The following TRHDE variants were observed in gnomAD, a reference collection of about 807,000 sequenced individuals.
TRHDE encodes the protein thyrotropin-releasing hormone-degrading ectoenzyme.
Under a neutral mutation model 125.7 loss-of-function variants are expected in TRHDE, and 72 were observed. The ratio of observed to expected loss-of-function variants is 0.57; its 90% CI spans 0.47 to 0.70. The LOEUF (loss-of-function observed/expected upper bound fraction) is 0.70. Ranked by LOEUF, TRHDE falls within the 30% of genes least tolerant of loss-of-function variation. The pLI, the probability that TRHDE is intolerant of heterozygous loss-of-function variation, is 0.00. For synonymous variants in TRHDE, 509 were observed against 509.1 expected, an observed-to-expected ratio of 1.00 and a Z score of 0.00; for missense variants, 1,110 against 1,327.1, an observed-to-expected ratio of 0.84 and a Z score of 2.54.
At chr12:72,223,948 C>G (rs1291022769) in intron 2 of TRHDE, among the ~76,000 whole-genome samples, 2 of 151,656 alleles carry the variant, frequency 1.3e-5, no homozygotes, top group Admixed American at 1.3e-4. Flanking sequence ...CTGGGCTACT[C>G]TATCCCTTGG....
rs185375693 is a variant in TRHDE, at chr12:72,407,569, A to G, written c.1315+29448A>G. ...GGAATAAAACAACTAAAAGTGCTGC[A>G]TACAATAGAAAATAAATGTGTTTTT... On this transcript the variant is annotated intron_variant, in intron 3 of 18. Transcript: ENST00000261180. Among the ~76,000 whole-genome samples, 31 of 152,356 alleles carry G rather than the reference A, an allele frequency of 2.0e-4. No individual in the cohort carries two copies. In the East Asian group the frequency reaches 5.8e-3, roughly 28 times the overall value.
rs141440198 is a variant in TRHDE, at chr12:72,374,256, A to G, written c.1189-3739A>G. On this transcript the variant is annotated intron_variant, in intron 2 of 18. Coordinates refer to ENST00000261180, the MANE Select transcript of TRHDE (RefSeq NM_013381.3). ...GACAGCTGGATAGAAGGAAAGAATT[A>G]CCATTAACTGAGGTGGGAAAGATTT... 3.0e-4 allele frequency among the ~76,000 whole-genome samples: 46 copies of G among 151,284 alleles called. No homozygotes were observed. The East Asian group carries it at 8.2e-3, about 27-fold the overall frequency.
intron 9 of TRHDE, among the ~76,000 whole-genome samples, 176 bp from the exon 10 acceptor site, chr12:72,568,392 T>C (rs532934487): frequency 4.1e-4 from 63 of 152,294 alleles, no homozygotes; most frequent in Non-Finnish European, 7.4e-4. Context: ...CTTAATGGCA[T>C]TGAAAGAGTG....
chr12:72,235,918 T>C (rs1472107715), intron 2 of TRHDE, among the ~76,000 whole-genome samples: 1 of 152,130 alleles, frequency 6.6e-6, no homozygotes, highest in African/African-American at 2.4e-5. Flanking sequence ...GGAGTACAAA[T>C]GGGAAGTTTT....
intron 3 of TRHDE, among the ~76,000 whole-genome samples, chr12:72,423,658 G>A (rs752345709): frequency 6.6e-6 from 1 of 152,102 alleles, no homozygotes; most frequent in Non-Finnish European, 1.5e-5. Context: ...ATATTAAATG[G>A]CAAAGGGAGT....
intron 7 of TRHDE, among the ~76,000 whole-genome samples, chr12:72,548,269 ATCTCCCTGAAATATTCCCT>A (rs966135043): frequency 2.8e-4 from 42 of 151,686 alleles, no homozygotes; most frequent in African/African-American, 1.0e-3. Flanking sequence ...GATTTCACAT[ATCTCCCTGAAATATTCCCT>A]TCTCCTATAA....
At chr12:72,533,849 A>G (rs1592518647) in intron 6 of TRHDE, among the ~76,000 whole-genome samples, 1 of 151,428 alleles carries the variant, frequency 6.6e-6, no homozygotes, top group Non-Finnish European at 1.5e-5. Context: ...TACACTGTTG[A>G]AAGTTTTTGT....
intron 2 of TRHDE, among the ~76,000 whole-genome samples, chr12:72,124,991 G>C (rs182749777): frequency 8.5e-5 from 13 of 152,096 alleles, no homozygotes; most frequent in African/African-American, 2.9e-4. Flanking sequence ...TAAATGTTGA[G>C]TCATTATTGT....
intron 2 of TRHDE, among the ~76,000 whole-genome samples, chr12:72,152,047 T>G (rs1357107344): frequency 4.6e-5 from 7 of 151,940 alleles, no homozygotes; most frequent in South Asian, 4.1e-4. Flanking sequence ...GTTCTTCCAT[T>G]TGTTTGTATC....
chr12:72,571,278 A>G (rs1325263224), intron 10 of TRHDE, among the ~76,000 whole-genome samples: 1 of 152,206 alleles, frequency 6.6e-6, no homozygotes, highest in Non-Finnish European at 1.5e-5. Context: ...TGAAGAAAAA[A>G]TTCTGTTAAA....
chr12:72,451,569 G>C (rs1301459561), intron 3 of TRHDE, among the ~76,000 whole-genome samples: 2 of 148,424 alleles, frequency 1.3e-5, no homozygotes, highest in East Asian at 1.9e-4. Context: ...GATGCCTCTG[G>C]CTTTGTTTTT....
chr12:72,275,522 G>A (rs1879454785), intron 1 of TRHDE, among the ~76,000 whole-genome samples: 1 of 152,180 alleles, frequency 6.6e-6, no homozygotes, highest in Non-Finnish European at 1.5e-5. Flanking sequence ...ACGGGGGAAA[G>A]GCATAGAAAA....
intron 3 of TRHDE, among the ~76,000 whole-genome samples, chr12:72,462,402 G>A (rs1289210975): frequency 6.6e-6 from 1 of 152,142 alleles, no homozygotes; most frequent in African/African-American, 2.4e-5. Context: ...TCTTTACATG[G>A]CAGAGTGAAA....
intron 2 of TRHDE, among the ~76,000 whole-genome samples, chr12:72,355,725 T>C (rs545590342): frequency 4.6e-5 from 7 of 151,424 alleles, no homozygotes; most frequent in African/African-American, 1.2e-4. Flanking sequence ...ACAACCCCAT[T>C]AAAAAGAGGG....
intron 3 of TRHDE, among the ~76,000 whole-genome samples, chr12:72,435,995 G>A (rs1167014826): frequency 1.3e-5 from 2 of 151,948 alleles, no homozygotes; most frequent in African/African-American, 4.8e-5. Flanking sequence ...AAAAACAAGA[G>A]GGAGGATTTT....
intron 3 of TRHDE, among the ~76,000 whole-genome samples, chr12:72,416,631 A>G (rs1873743090): frequency 6.6e-6 from 1 of 152,076 alleles, no homozygotes; most frequent in South Asian, 2.1e-4. Context: ...TTTATTGAAG[A>G]GTGTCCTTTC....
Position 72,669,872 on chromosome 12 carries a change from T to A in TRHDE, c.*6677T>A, listed in dbSNP as rs1024833456. 2 of 151,740 alleles carry A rather than the reference T, an allele frequency of 1.3e-5. No homozygotes were observed. Among genetic ancestry groups the A allele is most frequent in the Non-Finnish European group, 2.9e-5 (2 of 67,814 alleles). 9.4% of individuals were successfully genotyped at this position (151,740 alleles called of 1,614,324 possible). ...TTTCATTTTTCATTTTTCATTGCTA[T>A]CTTTTAATCCCTTTGCATTTTGATA... On this transcript the variant is annotated 3_prime_UTR_variant, in exon 19 of 19. Transcript: ENST00000261180.
chr12:72,447,157 A>G (rs1479818295), intron 3 of TRHDE, among the ~76,000 whole-genome samples: 2 of 152,146 alleles, frequency 1.3e-5, no homozygotes, highest in African/African-American at 4.8e-5. Flanking sequence ...AGAAATTATA[A>G]CAAACTGTCT....
intron 3 of TRHDE, among the ~76,000 whole-genome samples, chr12:72,411,794 A>G (rs1873522305): frequency 1.3e-5 from 2 of 152,204 alleles, no homozygotes; most frequent in Non-Finnish European, 2.9e-5. Flanking sequence ...GTTGAGGAAA[A>G]GAACAGAGTA....
Sources: gnomAD v4.1 joint callset for allele counts (sites outside exome capture counted in the v4.1 genomes callset) on GRCh38, gnomAD v4.1.1 for gene constraint, MANE v1.5 for transcripts, NCBI Gene and HGNC (gene_info 2026-07-23, HGNC 2026-07-21) for gene names.